Variants in CUBN observed in about 807,000 individuals in gnomAD.
CUBN encodes cubilin.
A neutral mutation model predicts 405.3 loss-of-function variants in CUBN; 282 were observed. The ratio of observed to expected loss-of-function variants is 0.70; its 90% CI spans 0.63 to 0.77. The LOEUF (loss-of-function observed/expected upper bound fraction) is 0.77. Ranked by LOEUF, CUBN falls within the 30% of genes least tolerant of loss-of-function variation. The pLI is 0.00. For missense variants in CUBN, 4,514 were observed against 4,475.2 expected, an observed-to-expected ratio of 1.01 and a Z score of -0.25; for synonymous variants, 1,684 against 1,617.0, an observed-to-expected ratio of 1.04 and a Z score of -0.99.
chr10:17,006,312 GT>G (rs1166601069), intron 28 of CUBN, among the ~76,000 whole-genome samples: 19 of 152,198 alleles, frequency 1.2e-4, no homozygotes, highest in African/African-American at 4.1e-4. Flanking sequence ...ATGATTCACA[GT>G]TGTAGCTGCC....
Position 16,982,531 on chromosome 10 carries a change from A to G in CUBN, c.4648T>C (p.Leu1550=). Reference sequence around the variant, plus strand: ...TCAAGATCAAAGTCAGTGAAGTTCAAGAGAACACGATGATTTCTGTCAACC... The same window carrying G: ...TCAAGATCAAAGTCAGTGAAGTTCAGGAGAACACGATGATTTCTGTCAACC... ...IRVDRNHRVL[L]NFTDFDLEPQ... Residue 1550 remains leucine, a synonymous_variant, in exon 31 of 67, where the codon TTG becomes CTG. Transcript: ENST00000377833. 1 of 1,613,892 alleles carries G rather than the reference A, an allele frequency of 6.2e-7. No individual in the cohort carries two copies. Among genetic ancestry groups the G allele is most frequent in the Non-Finnish European group, 8.5e-7 (1 of 1,179,782 alleles).
intron 14 of CUBN, among the ~76,000 whole-genome samples, chr10:17,097,967 C>A (rs1255940243): frequency 2.6e-5 from 4 of 151,918 alleles, no homozygotes; most frequent in African/African-American, 9.7e-5. Context: ...CTAAGTTAAC[C>A]CATTGAGTAT....
intron 22 of CUBN, among the ~76,000 whole-genome samples, chr10:17,054,491 G>T (rs1364821583): frequency 6.6e-6 from 1 of 151,782 alleles, no homozygotes; most frequent in Admixed American, 6.6e-5. Context: ...CAATTAAATG[G>T]AAAATGCAAT....
rs6602175 is a variant in CUBN at position 17,100,527 on chromosome 10, G to T, written c.1531-288C>A. On this transcript the variant is annotated intron_variant, in intron 13 of 66. Coordinates refer to ENST00000377833, the MANE Select transcript of CUBN (RefSeq NM_001081.4). ...TGTCAAGTCCACCAGACCAAGGTAT[G>T]TCAAATATATAACTGACATTGTTTC... Among the ~76,000 whole-genome samples the T allele has an allele frequency of 0.61, 92,721 of 152,058 alleles. 29,794 individuals carry two copies. The highest frequency in any genetic ancestry group is 0.73 in the Non-Finnish European group (49,512 of 67,988).
intron 59 of CUBN, among the ~76,000 whole-genome samples, chr10:16,865,086 A>G (rs1484544947): frequency 2.0e-5 from 3 of 147,820 alleles, no homozygotes; most frequent in Admixed American, 7.0e-5. Context: ...CTCCTGCCTC[A>G]GCCTCCCAAG....
intron 59 of CUBN, among the ~76,000 whole-genome samples, chr10:16,860,435 A>T (rs1375978648): frequency 6.6e-6 from 1 of 152,238 alleles, no homozygotes; most frequent in Non-Finnish European, 1.5e-5. Context: ...CACTAGAAAG[A>T]TATAATAATT....
At chr10:16,995,308 C>A (rs1833702094) in intron 28 of CUBN, among the ~76,000 whole-genome samples, 1 of 152,110 alleles carries the variant, frequency 6.6e-6, no homozygotes, top group African/African-American at 2.4e-5. Flanking sequence ...GTAGTTCAGA[C>A]AAATGGGTTC....
chr10:17,038,309 A>C (rs1252184712), intron 27 of CUBN, among the ~76,000 whole-genome samples: 1 of 152,252 alleles, frequency 6.6e-6, no homozygotes, highest in African/African-American at 2.4e-5. Flanking sequence ...ACTGAAATCA[A>C]GTTGTAAAAT....
chr10:16,869,562 G>C (rs891109812), intron 59 of CUBN, 74 bp downstream of exon 59: 51 of 978,602 alleles, frequency 5.2e-5, no homozygotes, highest in Non-Finnish European at 7.6e-5. Flanking sequence ...GGGGGTGGGG[G>C]GGGGGCGGGG....
chr10:16,910,786 A>G (rs1841706846), intron 48 of CUBN, among the ~76,000 whole-genome samples: 1 of 151,302 alleles, frequency 6.6e-6, no homozygotes, highest in Non-Finnish European at 1.5e-5. Context: ...TATATCAAAC[A>G]TATAAAATAT....
At position 16,900,831 on chromosome 10, in the gene CUBN, T is replaced by C. The variant is rs558369938; in HGVS notation, c.8204A>G (p.Asp2735Gly). 2 of 1,613,422 alleles carry C rather than the reference T, an allele frequency of 1.2e-6. No homozygotes were observed. Among genetic ancestry groups the C allele is most frequent in the Non-Finnish European group, 1.7e-6 (2 of 1,179,610 alleles). The change falls in exon 53 of 67, where the codon GAT (aspartate) becomes GGT (glycine). Residue 2735 changes from aspartate (D) to glycine (G), a missense_variant. Asp to Gly is a moderately conservative substitution (Grantham distance 94). Transcript: ENST00000377833. ...AGCACAAGTTGTATGGGGTTCAATATCAAAGTCACTAAATGTGAGCTGCAG... is the reference window on the plus strand; with the variant it reads ...AGCACAAGTTGTATGGGGTTCAATACCAAAGTCACTAAATGTGAGCTGCAG... ...HTITLTFSDF[D>G]IEPHTTCAWD...
At chr10:17,088,104 C>T (rs1836164814) in intron 15 of CUBN, 60 bp downstream of exon 15, 3 of 1,389,642 alleles carry the variant, frequency 2.2e-6, no homozygotes, top group Middle Eastern at 1.8e-4. Context: ...CATGGCTAGA[C>T]CATAGTGCCC....
At chr10:16,860,537 T>A (rs149178588) in intron 59 of CUBN, among the ~76,000 whole-genome samples, 40 of 152,354 alleles carry the variant, frequency 2.6e-4, no homozygotes, top group African/African-American at 8.4e-4. Context: ...AACTCTCTTA[T>A]CTGACTACCT....
At position 17,084,606 on chromosome 10, in the gene CUBN, C is replaced by G. The variant is rs931703220; in HGVS notation, c.2111-145G>C. ...ATTCACCCTCTATAGGCTTGTGCCT[C>G]TAATTTTAAGATTTTCAGTTTGATG... On this transcript the variant is annotated intron_variant, in intron 16 of 66. Coordinates refer to ENST00000377833, the MANE Select transcript of CUBN (RefSeq NM_001081.4). 4 of 747,778 alleles carry G rather than the reference C, an allele frequency of 5.3e-6. No individual in the cohort carries two copies. The African/African-American group carries it at 6.9e-5, about 13-fold the overall frequency. The allele number at this position is 747,778 out of a possible 1,614,324, so 46.3% of individuals were successfully genotyped here. A position where few individuals can be genotyped will look rare whatever the true frequency, so the allele number is the denominator to read the frequency against.
intron 31 of CUBN, among the ~76,000 whole-genome samples, chr10:16,973,466 A>G (rs1242054238): frequency 6.6e-6 from 1 of 152,220 alleles, no homozygotes; most frequent in Non-Finnish European, 1.5e-5. Context: ...ACAGACGGCA[A>G]GTCCTGACCC....
At chr10:16,950,222 G>A in intron 33 of CUBN, 111 bp from the exon 34 acceptor site, 1 of 719,766 alleles carries the variant, frequency 1.4e-6, no homozygotes, top group Non-Finnish European at 2.5e-6. Context: ...AAAATAGAAG[G>A]AATGAGTAAG....
chr10:16,914,296 G>T (rs1246955801), intron 47 of CUBN, among the ~76,000 whole-genome samples: 1 of 152,098 alleles, frequency 6.6e-6, no homozygotes, highest in Non-Finnish European at 1.5e-5. Context: ...GCCAGGCATG[G>T]TGGTTCACAC....
In CUBN at chr10:16,869,563, G is replaced by T. The variant is rs945370126; in HGVS notation, c.9454+73C>A. 21 of 979,296 alleles carry T rather than the reference G, an allele frequency of 2.1e-5. No homozygotes were observed. The Middle Eastern group carries it at 9.1e-4, about 42-fold the overall frequency. The allele number at this position is 979,296 out of a possible 1,614,324, so 60.7% of individuals were successfully genotyped here. A position where few individuals can be genotyped will look rare whatever the true frequency, so the allele number is the denominator to read the frequency against. The stretch of plus-strand genomic sequence containing the variant: ...AATCATAATCAGGTGGGGGTGGGGG[G>T]GGGGCGGGGAAATTAAATAAAGCAG... On this transcript the variant is annotated intron_variant, in intron 59 of 66. Transcript: ENST00000377833.
chr10:16,901,583 G>A (rs1841373021), intron 51 of CUBN, 124 bp from the exon 52 acceptor site: 1 of 1,296,682 alleles, frequency 7.7e-7, no homozygotes, highest in South Asian at 1.3e-5. Flanking sequence ...GCCAGGCATG[G>A]TGGCTCACGC....
Sources: allele counts gnomAD v4.1 joint callset (sites outside exome capture counted in the v4.1 genomes callset), GRCh38; gene constraint gnomAD v4.1.1; transcripts MANE v1.5; gene names NCBI Gene and HGNC (gene_info 2026-07-23, HGNC 2026-07-21).